The following OSBPL2 variants were observed in gnomAD, a reference collection of about 807,000 sequenced individuals.
The protein encoded by OSBPL2 is oxysterol binding protein like 2.
In OSBPL2, 18 loss-of-function variants were observed where a neutral mutation model predicts 58.4. The observed-to-expected ratio is 0.31, with a 90% CI of 0.21 to 0.46. The LOEUF is 0.46. Among genes scored for constraint, OSBPL2 ranks in the 20% least tolerant of loss-of-function variants. The pLI, the probability that OSBPL2 is intolerant of heterozygous loss-of-function variation, is 1.00. For synonymous variants in OSBPL2, 221 were observed against 234.1 expected (o/e 0.94, Z 0.51); for missense variants, 461 against 616.5 (o/e 0.75, Z 2.67).
chr20:62,279,102 C>G, intron 6 of OSBPL2, 55 bp from the exon 7 acceptor site: 2 of 1,487,060 alleles, frequency 1.3e-6, no homozygotes, highest in Non-Finnish European at 1.8e-6. Flanking sequence ...CTGAGCTGCC[C>G]TTTCTTTTAT....
chr20:62,289,078 CG>C (rs753907088), intron 11 of OSBPL2, 128 bp from the exon 12 acceptor site: 1 of 961,042 alleles, frequency 1.0e-6, no homozygotes, highest in Non-Finnish European at 1.6e-6. Context: ...AAGACGTGAG[CG>C]GAAGTAGGTT....
chr20:62,255,889 C>A (rs1980890467), intron 1 of OSBPL2, among the ~76,000 whole-genome samples, 168 bp from the exon 2 acceptor site: 1 of 152,190 alleles, frequency 6.6e-6, no homozygotes, highest in South Asian at 2.1e-4. Context: ...TATAAATGCT[C>A]CCTCTCGTTT....
chr20:62,245,910 C>T lies in OSBPL2; in HGVS notation c.-129+7313C>T, dbSNP rs571437794. Among the ~76,000 whole-genome samples, 42 of 152,238 alleles carry T rather than the reference C, an allele frequency of 2.8e-4. No individual in the cohort carries two copies. The South Asian group carries it at 7.3e-3, about 26-fold the overall frequency. On this transcript the variant is annotated intron_variant, in intron 1 of 13. Transcript: ENST00000313733. ...AATATTAAGGCTTGATTTTTTTCCT[C>T]GACAATTGGCAGAAGGCGTGTTTCA... is the stretch of plus-strand genomic sequence containing the variant.
At chr20:62,242,445 A>T (rs1324525873) in intron 1 of OSBPL2, 1 of 152,234 alleles carries the variant, frequency 6.6e-6, no homozygotes, top group Non-Finnish European at 1.5e-5. Flanking sequence ...GTGAGCTTTT[A>T]TAAGGGACTG....
chr20:62,289,396 C>CA, intron 12 of OSBPL2, 66 bp downstream of exon 12: 1 of 1,555,806 alleles, frequency 6.4e-7, no homozygotes, highest in Non-Finnish European at 8.7e-7. Flanking sequence ...TGGGAGAGCA[C>CA]AAAGCACTCG....
At chr20:62,248,347 G>C (rs995051044) in intron 1 of OSBPL2, among the ~76,000 whole-genome samples, 1 of 150,522 alleles carries the variant, frequency 6.6e-6, no homozygotes, top group African/African-American at 2.4e-5. Context: ...GTAGAGATGG[G>C]GTTTCACCAT....
rs549045082 is a variant in OSBPL2 at position 62,280,481 on chromosome 20, C to T, written c.675-577C>T. Among the ~76,000 whole-genome samples the T allele has an allele frequency of 4.6e-5, 7 of 152,384 alleles. No homozygotes were observed. The Middle Eastern group carries it at 0.01, about 222-fold the overall frequency. On this transcript the variant is annotated intron_variant, in intron 7 of 13. Transcript: ENST00000313733. ...CCCAGGAAATTGAGAGAATTCCAGACGTGTGGCAAAATACCCTGCTCTGAG... is the reference window on the plus strand; with the variant it reads ...CCCAGGAAATTGAGAGAATTCCAGATGTGTGGCAAAATACCCTGCTCTGAG...
At chr20:62,286,743 C>T (rs1983155793) in intron 11 of OSBPL2, 32 bp downstream of exon 11, 6 of 1,591,948 alleles carry the variant, frequency 3.8e-6, no homozygotes, top group Non-Finnish European at 5.1e-6. Context: ...GACGTCTCTG[C>T]CTGCTCATGT....
intron 10 of OSBPL2, chr20:62,286,294 C>A (rs913307783): frequency 2.2e-5 from 6 of 267,732 alleles, no homozygotes; most frequent in Non-Finnish European, 4.4e-5. Context: ...ACTAAAAGTA[C>A]AAACAATTAG....
At chr20:62,252,220 A>G (rs1159878346) in intron 1 of OSBPL2, among the ~76,000 whole-genome samples, 1 of 152,020 alleles carries the variant, frequency 6.6e-6, no homozygotes, top group Non-Finnish European at 1.5e-5. Flanking sequence ...TTTTTGAGGT[A>G]TAATTGGCAT....
rs770699939 is a variant in OSBPL2, at chr20:62,260,068, A to G, written c.125A>G (p.Asn42Ser). 6.2e-7 allele frequency: 1 copy of G among 1,614,018 alleles called. No homozygotes were observed. The highest frequency in any genetic ancestry group is 1.7e-5 in the Admixed American group (1 of 60,028). The change falls in exon 3 of 14, where the codon AAT becomes AGT. Residue 42 changes from asparagine (N) to serine (S), a missense_variant. Physicochemically the swap from Asn to Ser is conservative, Grantham distance 46. This residue lies in a region of OSBPL2 where 80 missense variants were observed against 74.8 expected (regional missense o/e 1.07). Transcript: ENST00000313733. ...GMIDLDTSKNNRIGKTGERPS... is the reference protein window; with the variant it reads ...GMIDLDTSKNSRIGKTGERPS... ...ATTGACTTAGACACCAGCAAAAATA[A>G]TAGGATTGGGAAAACTGGGGAGAGG... is the stretch of plus-strand genomic sequence containing the variant.
chr20:62,294,036 C>G lies in OSBPL2; in HGVS notation c.*149C>G. The G allele has an allele frequency of 9.6e-7, 1 of 1,041,344 alleles. No individual in the cohort carries two copies. The highest frequency in any genetic ancestry group is 1.7e-5 in the South Asian group (1 of 57,866). The allele number at this position is 1,041,344 out of a possible 1,614,324, so 64.5% of individuals were successfully genotyped here. ...ATCATCCCTGATCAAGGATGTAATT[C>G]TAATTAACTGTTGATTGCCAAACAT... On this transcript the variant is annotated 3_prime_UTR_variant, in exon 14 of 14. Transcript: ENST00000313733.
intron 11 of OSBPL2, among the ~76,000 whole-genome samples, chr20:62,287,487 C>T (rs929053011): frequency 1.3e-5 from 2 of 152,194 alleles, no homozygotes; most frequent in Non-Finnish European, 2.9e-5. Context: ...GGCAGAGTCT[C>T]GCTCTGTCAC....
In OSBPL2 at chr20:62,293,960, CTCG is replaced by C; in HGVS notation, c.*76_*78del. On this transcript the variant is annotated 3_prime_UTR_variant, in exon 14 of 14. Coordinates refer to ENST00000313733, the MANE Select transcript of OSBPL2 (RefSeq NM_144498.4). ...ACTTCCTCGAGTGGCCACTGTGAGC[CTCG>C]TCACAGCAGAAACCAACTTTTCTAA... 1 of 1,556,366 alleles carries C rather than the reference CTCG, an allele frequency of 6.4e-7. No homozygotes were observed. Among genetic ancestry groups the C allele is most frequent in the Middle Eastern group, 1.7e-4 (1 of 5,854 alleles).
At chr20:62,273,037 C>T (rs1340010917) in intron 5 of OSBPL2, among the ~76,000 whole-genome samples, 1 of 152,174 alleles carries the variant, frequency 6.6e-6, no homozygotes, top group East Asian at 1.9e-4. Context: ...GAGTGGCTGA[C>T]ATTGCTGCAG....
intron 1 of OSBPL2, among the ~76,000 whole-genome samples, chr20:62,249,726 C>CACCA (rs1184042649): frequency 6.6e-6 from 1 of 152,206 alleles, no homozygotes; most frequent in Non-Finnish European, 1.5e-5. Flanking sequence ...AGGCATGGGC[C>CACCA]ACCACGCCTG....
intron 11 of OSBPL2, among the ~76,000 whole-genome samples, chr20:62,287,109 G>A (rs898021582): frequency 1.3e-5 from 2 of 152,232 alleles, no homozygotes; most frequent in African/African-American, 2.4e-5. Context: ...GCCTGTTTGG[G>A]GAGATTGCTT....
chr20:62,260,504 C>CTG (rs1981225789), intron 3 of OSBPL2, among the ~76,000 whole-genome samples: 1 of 152,200 alleles, frequency 6.6e-6, no homozygotes, highest in Non-Finnish European at 1.5e-5. Flanking sequence ...ACAGATCTGC[C>CTG]TGCTTTTCCA....
chr20:62,279,606 C>T (rs899672051), intron 7 of OSBPL2: 10 of 529,438 alleles, frequency 1.9e-5, no homozygotes, highest in African/African-American at 3.8e-5. Context: ...TGCTGGGGTG[C>T]ATCCTCACGT....
Sources: allele counts gnomAD v4.1 joint callset (sites outside exome capture counted in the v4.1 genomes callset), GRCh38; gene constraint gnomAD v4.1.1; regional missense constraint gnomAD v4.1.1; transcripts MANE v1.5; gene names NCBI Gene and HGNC (gene_info 2026-07-23, HGNC 2026-07-21).